Variants in MMP26 observed in about 807,000 individuals in gnomAD.
MMP26 encodes the protein matrix metalloproteinase-26.
A neutral mutation model predicts 31.0 loss-of-function variants in MMP26; 33 were observed. That is an observed-to-expected ratio of 1.06 (90% confidence interval 0.81 to 1.42). MMP26 has a LOEUF of 1.42. Among genes scored for constraint, MMP26 ranks in the 40% most tolerant of loss-of-function variants. MMP26 has a pLI of 0.00. For synonymous variants in MMP26, 122 were observed against 114.9 expected (o/e 1.06, Z -0.40); for missense variants, 347 against 316.1 (o/e 1.10, Z -0.74).
At chr11:4,765,636 T>C (rs938310388) in intron 1 of MMP26, among the ~76,000 whole-genome samples, 3 of 152,206 alleles carry the variant, frequency 2.0e-5, no homozygotes, top group Admixed American at 6.5e-5. Flanking sequence ...GCTTCTATTA[T>C]GTCAAGGCCT....
chr11:4,966,164 G>A (rs1846591811), intron 2 of MMP26, among the ~76,000 whole-genome samples: 2 of 152,248 alleles, frequency 1.3e-5, no homozygotes, highest in African/African-American at 4.8e-5. Flanking sequence ...CAATAGCTAT[G>A]GGGGTGACTA....
At chr11:4,769,548 G>T (rs776481103) in intron 2 of MMP26, 3 of 1,613,226 alleles carry the variant, frequency 1.9e-6, no homozygotes, top group South Asian at 2.2e-5. Flanking sequence ...GCCACATAAC[G>T]GTCAAAGGCT....
At chr11:4,769,324 G>T in intron 2 of MMP26, 1 of 1,613,130 alleles carries the variant, frequency 6.2e-7, no homozygotes. Flanking sequence ...ATCCACAGAT[G>T]CTATTTGCCC....
intron 2 of MMP26, among the ~76,000 whole-genome samples, chr11:4,970,448 C>T (rs1846650251): frequency 6.6e-6 from 1 of 152,124 alleles, no homozygotes; most frequent in Non-Finnish European, 1.5e-5. Context: ...TAACCCTTTC[C>T]CCCTCTTTCT....
Position 4,940,031 on chromosome 11 carries a change from T to C in MMP26, c.-144-48037T>C, listed in dbSNP as rs79239189. Among the ~76,000 whole-genome samples, 641 of 152,028 alleles carry C rather than the reference T, an allele frequency of 4.2e-3. 2 individuals carry two copies. The highest frequency in any genetic ancestry group is 0.014 in the African/African-American group (572 of 41,522). On this transcript the variant is annotated intron_variant, in intron 2 of 7. Coordinates refer to ENST00000380390, the MANE Select transcript of MMP26 (RefSeq NM_021801.5). ...TTTAGAGGTAGTCACTATTGAGATT[T>C]AATTAAAATATATAGGACAAACACC...
intron 2 of MMP26, among the ~76,000 whole-genome samples, chr11:4,891,421 C>T (rs1850620050): frequency 6.6e-6 from 1 of 152,124 alleles, no homozygotes; most frequent in Non-Finnish European, 1.5e-5. Flanking sequence ...GAGGACAGTA[C>T]CAAGCCATGA....
intron 1 of MMP26, among the ~76,000 whole-genome samples, chr11:4,765,729 T>G (rs1833564847): frequency 6.6e-6 from 1 of 152,188 alleles, no homozygotes; most frequent in African/African-American, 2.4e-5. Context: ...ACCACTCAGC[T>G]TCTTAGAGAT....
chr11:4,906,153 G>A (rs976185931), intron 2 of MMP26, among the ~76,000 whole-genome samples: 1 of 152,126 alleles, frequency 6.6e-6, no homozygotes, highest in African/African-American at 2.4e-5. Flanking sequence ...AAGCGAGGAG[G>A]TGCCACATTT....
rs544276994 is a variant in MMP26 at position 4,786,557 on chromosome 11, T to C, written c.-145+19216T>C. Among the ~76,000 whole-genome samples, 85 of 146,624 alleles carry C rather than the reference T, an allele frequency of 5.8e-4. 1 individual carries two copies. The highest frequency in any genetic ancestry group is 3.0e-3 in the Admixed American group (43 of 14,216). On this transcript the variant is annotated intron_variant, in intron 2 of 7. Coordinates refer to ENST00000380390, the MANE Select transcript of MMP26 (RefSeq NM_021801.5). Reference sequence around the variant, plus strand: ...TGTTGTGAGATAGGATGAGGTAGGATTATGAGTATGAGAAGTGCTTCAGGA... The same window carrying C: ...TGTTGTGAGATAGGATGAGGTAGGACTATGAGTATGAGAAGTGCTTCAGGA...
intron 2 of MMP26, chr11:4,804,123 G>A: frequency 1.2e-6 from 2 of 1,614,112 alleles, no homozygotes; most frequent in Non-Finnish European, 1.7e-6. Flanking sequence ...ACCAGAATAT[G>A]GCCAACATCT....
chr11:4,920,799 C>A (rs1322860092), intron 2 of MMP26, among the ~76,000 whole-genome samples: 1 of 152,000 alleles, frequency 6.6e-6, no homozygotes, highest in African/African-American at 2.4e-5. Flanking sequence ...TATGTTGATT[C>A]TCCATAAAAT....
chr11:4,869,890 C>A (rs1008766392), intron 2 of MMP26, among the ~76,000 whole-genome samples: 3 of 152,076 alleles, frequency 2.0e-5, no homozygotes, highest in African/African-American at 4.8e-5. Flanking sequence ...TACTATGCAG[C>A]CATAAAAAAT....
chr11:4,961,358 G>A lies in MMP26; in HGVS notation c.-144-26710G>A, dbSNP rs541526516. 1.0e-3 allele frequency among the ~76,000 whole-genome samples: 154 copies of A among 152,250 alleles called. 1 individual carries two copies. Among genetic ancestry groups the A allele is most frequent in the African/African-American group, 2.6e-3 (108 of 41,552 alleles). ...TTCCCTCTGGGCCCCTGGCTGATTC[G>A]ATGGTGCCCAGCAACATTGAGGGTA... is the stretch of plus-strand genomic sequence containing the variant. On this transcript the variant is annotated intron_variant, in intron 2 of 7. Coordinates refer to ENST00000380390, the MANE Select transcript of MMP26 (RefSeq NM_021801.5).
At chr11:4,946,029 A>T in intron 2 of MMP26, 1 of 829,218 alleles carries the variant, frequency 1.2e-6, no homozygotes. Context: ...CAGTATCCAG[A>T]GTGAATAAAA....
chr11:4,763,789 T>C (rs1399683715), intron 1 of MMP26, among the ~76,000 whole-genome samples: 1 of 152,176 alleles, frequency 6.6e-6, no homozygotes, highest in Non-Finnish European at 1.5e-5. Flanking sequence ...TTGTAGATGA[T>C]TTTGCACATT....
At chr11:4,764,141 C>T (rs568894493) in intron 1 of MMP26, among the ~76,000 whole-genome samples, 2 of 152,248 alleles carry the variant, frequency 1.3e-5, no homozygotes, top group African/African-American at 4.8e-5. Context: ...AATTTGTTTA[C>T]TCCATAATTT....
At chr11:4,927,685 G>A (rs1851291458) in intron 2 of MMP26, among the ~76,000 whole-genome samples, 1 of 152,080 alleles carries the variant, frequency 6.6e-6, no homozygotes, top group Non-Finnish European at 1.5e-5. Flanking sequence ...TCCATCCAGA[G>A]CTCAGGTTTG....
At chr11:4,956,051 G>C (rs1443275112) in intron 2 of MMP26, among the ~76,000 whole-genome samples, 3 of 152,140 alleles carry the variant, frequency 2.0e-5, no homozygotes, top group Non-Finnish European at 4.4e-5. Context: ...GTAAATCCTA[G>C]TGAATTAACT....
At chr11:4,752,835 A>G in intron 1 of MMP26, 1 of 153,410 alleles carries the variant, frequency 6.5e-6, no homozygotes, top group Non-Finnish European at 1.5e-5. Context: ...AGTGAGGATG[A>G]CAAAAAGGAT....
Sources: allele counts gnomAD v4.1 joint callset (sites outside exome capture counted in the v4.1 genomes callset), GRCh38; gene constraint gnomAD v4.1.1; transcripts MANE v1.5; gene names NCBI Gene and HGNC (gene_info 2026-07-23, HGNC 2026-07-21).